WDR27: variants seen among roughly 807,000 people sequenced by gnomAD.
WDR27 encodes the protein WD repeat domain 27.
A neutral mutation model predicts 114.4 loss-of-function variants in WDR27; 100 were observed. The ratio of observed to expected loss-of-function variants is 0.87; its 90% CI spans 0.74 to 1.03. WDR27 has a LOEUF of 1.03. Among genes scored for constraint, WDR27 ranks in the 50% least tolerant of loss-of-function variants. The probability of loss-of-function intolerance (pLI) is 0.00; values close to 1 mark genes in which losing one functional copy is unlikely to be tolerated. For synonymous variants in WDR27, 449 were observed against 423.1 expected (o/e 1.06, Z -0.75); for missense variants, 1,129 against 1,092.9 (o/e 1.03, Z -0.47).
At chr6:169,503,739 T>C (rs1282504276) in intron 25 of WDR27, among the ~76,000 whole-genome samples, 1 of 152,118 alleles carries the variant, frequency 6.6e-6, no homozygotes, top group African/African-American at 2.4e-5. Flanking sequence ...CCACAGAAAG[T>C]AGAAGAATGC....
intron 25 of WDR27, among the ~76,000 whole-genome samples, chr6:169,502,239 C>T (rs1791374542): frequency 6.6e-6 from 1 of 152,158 alleles, no homozygotes; most frequent in Non-Finnish European, 1.5e-5. Flanking sequence ...CTCTGAAGAG[C>T]GCGGCCGCGG....
intron 2 of WDR27, among the ~76,000 whole-genome samples, chr6:169,682,505 G>A (rs775631806): frequency 1.3e-5 from 2 of 152,226 alleles, no homozygotes; most frequent in Non-Finnish European, 2.9e-5. Context: ...TGTGCTTAAA[G>A]CATCCTCTAA....
chr6:169,495,900 A>AT (rs60002618), intron 25 of WDR27, among the ~76,000 whole-genome samples: 5 of 151,864 alleles, frequency 3.3e-5, no homozygotes, highest in Non-Finnish European at 7.4e-5. Flanking sequence ...GGAAAAAAAA[A>AT]CACTTCTTAC....
intron 1 of WDR27, among the ~76,000 whole-genome samples, chr6:169,699,510 G>T (rs1238789306): frequency 6.6e-6 from 1 of 152,204 alleles, no homozygotes; most frequent in Non-Finnish European, 1.5e-5. Context: ...AGGACACGAT[G>T]AAGCCTAAGA....
At chr6:169,672,463 C>T in intron 2 of WDR27, 67 bp from the exon 3 acceptor site, 2 of 1,401,786 alleles carry the variant, frequency 1.4e-6, no homozygotes, top group Non-Finnish European at 9.5e-7. Flanking sequence ...AACAACATAA[C>T]TTCAAACCTA....
intron 22 of WDR27, among the ~76,000 whole-genome samples, chr6:169,609,682 AC>A (rs1810070016): frequency 6.6e-6 from 1 of 152,216 alleles, no homozygotes; most frequent in Non-Finnish European, 1.5e-5. Flanking sequence ...AGGACCTCTG[AC>A]GTGTCCTGAA....
chr6:169,438,630 T>C, the WDR27 span, among the ~76,000 whole-genome samples: 1 of 152,218 alleles, frequency 6.6e-6, no homozygotes, highest in Non-Finnish European at 1.5e-5. Context: ...TGTACACTCA[T>C]AATCTTGGAC....
chr6:169,567,978 C>T lies in WDR27; in HGVS notation c.2645+4441G>A, dbSNP rs373254452. On this transcript the variant is annotated intron_variant, in intron 25 of 25. Transcript: ENST00000448612. Reference sequence around the variant, plus strand: ...GCCAGCTCCAGTGCTGAGAACACAGCGCAGAAAAGCAGCATCTGTGTTCCA... The same window carrying T: ...GCCAGCTCCAGTGCTGAGAACACAGTGCAGAAAAGCAGCATCTGTGTTCCA... Among the ~76,000 whole-genome samples the T allele has an allele frequency of 6.6e-5, 10 of 152,318 alleles. No individual in the cohort carries two copies. The East Asian group carries it at 7.7e-4, about 12-fold the overall frequency.
At chr6:169,501,450 C>T (rs1334456531) in intron 25 of WDR27, among the ~76,000 whole-genome samples, 7 of 152,196 alleles carry the variant, frequency 4.6e-5, no homozygotes, top group Admixed American at 3.9e-4. Flanking sequence ...GAACTAGGCT[C>T]CTTCTATGTG....
chr6:169,462,732 G>T (rs918931587), intron 25 of WDR27, among the ~76,000 whole-genome samples: 19 of 151,956 alleles, frequency 1.3e-4, no homozygotes, highest in African/African-American at 3.9e-4. Flanking sequence ...ACTAGCAAAT[G>T]GAATTCAGCA....
In WDR27 at chr6:169,476,124, G is replaced by C. The variant is rs147878685; in HGVS notation, c.2646-18490C>G. 1.8e-3 allele frequency among the ~76,000 whole-genome samples: 278 copies of C among 152,324 alleles called. 4 individuals are homozygous for C. The East Asian group carries it at 0.03, about 16-fold the overall frequency. On this transcript the variant is annotated intron_variant, in intron 25 of 25. Transcript: ENST00000448612. ...TCTGACATAATGTAAAAGAGTCTTG[G>C]AACATGTCCAGGGTCCAGGGTCTCA...
intron 19 of WDR27, among the ~76,000 whole-genome samples, chr6:169,635,633 A>C (rs892176869): frequency 9.2e-5 from 14 of 152,228 alleles, no homozygotes; most frequent in African/African-American, 3.4e-4. Flanking sequence ...TGGAAGCCCA[A>C]CCCTTGGCAG....
intron 14 of WDR27, among the ~76,000 whole-genome samples, chr6:169,651,616 T>C (rs1176907833): frequency 1.3e-5 from 2 of 152,098 alleles, no homozygotes. Context: ...GTTTACAGCA[T>C]CGTCATGCTC....
At chr6:169,556,043 G>T (rs1342646965) in intron 25 of WDR27, among the ~76,000 whole-genome samples, 3 of 152,196 alleles carry the variant, frequency 2.0e-5, no homozygotes, top group Non-Finnish European at 4.4e-5. Flanking sequence ...GGCGCCTGTG[G>T]CATATAACAC....
At chr6:169,508,817 C>T (rs945581538) in intron 25 of WDR27, among the ~76,000 whole-genome samples, 15 of 152,290 alleles carry the variant, frequency 9.8e-5, no homozygotes, top group African/African-American at 3.1e-4. Context: ...GAATCTATCA[C>T]GTTATTAAAC....
chr6:169,642,097 C>T (rs944688438), intron 17 of WDR27, among the ~76,000 whole-genome samples: 1 of 152,162 alleles, frequency 6.6e-6, no homozygotes, highest in Admixed American at 6.5e-5. Context: ...TGCTCAGAGG[C>T]CCCTGAACTC....
chr6:169,551,582 A>G (rs188115278), intron 25 of WDR27, among the ~76,000 whole-genome samples: 3,895 of 151,918 alleles, frequency 0.026, 73 homozygotes, highest in Admixed American at 0.039. Flanking sequence ...TAAAAATACA[A>G]AAAAATTAGC....
At chr6:169,596,795 A>T in intron 23 of WDR27, among the ~76,000 whole-genome samples, 1 of 152,158 alleles carries the variant, frequency 6.6e-6, no homozygotes, top group Non-Finnish European at 1.5e-5. Flanking sequence ...AACACATAGT[A>T]TTTACAAAGA....
chr6:169,591,962 A>T (rs985685377), intron 23 of WDR27, among the ~76,000 whole-genome samples: 2 of 151,722 alleles, frequency 1.3e-5, no homozygotes, highest in Non-Finnish European at 2.9e-5. Context: ...TTAGTGGGGA[A>T]CGGCATTTAG....
Sources: gnomAD v4.1 joint callset for allele counts (sites outside exome capture counted in the v4.1 genomes callset) on GRCh38, gnomAD v4.1.1 for gene constraint, MANE v1.5 for transcripts, NCBI Gene and HGNC (gene_info 2026-07-23, HGNC 2026-07-21) for gene names.